Variants in GSTA2 observed in about 807,000 individuals in gnomAD.
GSTA2 encodes glutathione S-transferase A2.
Under a neutral mutation model 22.4 loss-of-function variants are expected in GSTA2, and 27 were observed. The observed-to-expected ratio is 1.21, with a 90% confidence interval of 0.89 to 1.67. The LOEUF is 1.67. GSTA2 is among the 40% of genes most tolerant of loss of function. The pLI is 0.00. For synonymous variants in GSTA2, 121 were observed against 86.8 expected (o/e 1.39, Z -2.19); for missense variants, 302 against 260.2 (o/e 1.16, Z -1.11).
At chr6:52,753,505 C>A (rs1231152213) in intron 4 of GSTA2, among the ~76,000 whole-genome samples, 10 of 152,192 alleles carry the variant, frequency 6.6e-5, no homozygotes, top group Admixed American at 6.5e-4. Context: ...TGCTTCTATG[C>A]CCCATATTTG....
At chr6:52,762,137 G>A (rs1762962097) in intron 1 of GSTA2, among the ~76,000 whole-genome samples, 1 of 151,950 alleles carries the variant, frequency 6.6e-6, no homozygotes, top group Admixed American at 6.5e-5. Context: ...AGGCCGCAGG[G>A]ACCTCTGCCT....
At position 52,751,624 on chromosome 6, in the gene GSTA2, C is replaced by T. The variant is rs750745710; in HGVS notation, c.499G>A (p.Val167Met). ...DIHLVELLYY[V>M]EELDSSLISS... Reference sequence around the variant, plus strand: ...ATAAGGCTAGAGTCAAGCTCTTCCACGTAGTAGAGAAGTTCCACCAGGTGA... The same window carrying T: ...ATAAGGCTAGAGTCAAGCTCTTCCATGTAGTAGAGAAGTTCCACCAGGTGA... The change falls in exon 6 of 7, where the codon GTG (valine) becomes ATG (methionine). Residue 167 changes from valine (V) to methionine (M), a missense_variant. Transcript: ENST00000493422. 5.5e-5 allele frequency: 88 copies of T among 1,613,992 alleles called. No individual in the cohort carries two copies. The highest frequency in any genetic ancestry group is 2.4e-4 in the South Asian group (22 of 91,086).
At chr6:52,761,494 T>G (rs796670527) in intron 1 of GSTA2, among the ~76,000 whole-genome samples, 9 of 145,802 alleles carry the variant, frequency 6.2e-5, no homozygotes, top group African/African-American at 2.2e-4. Context: ...AGGAATAAGA[T>G]TTTATATGAA....
chr6:52,758,019 T>G, intron 1 of GSTA2, 42 bp from the exon 2 acceptor site: 1 of 1,147,042 alleles, frequency 8.7e-7, no homozygotes, highest in East Asian at 2.4e-5. Context: ...ATTGAAACGA[T>G]AGAATCAAAA....
At chr6:52,761,402 C>T (rs56170329) in intron 1 of GSTA2, among the ~76,000 whole-genome samples, 1,691 of 152,250 alleles carry the variant, frequency 0.011, 32 homozygotes, top group African/African-American at 0.038. Flanking sequence ...ATCTATCTCT[C>T]TGTAATCTGT....
chr6:52,754,722 C>G (rs1762808013), intron 4 of GSTA2, among the ~76,000 whole-genome samples: 1 of 152,094 alleles, frequency 6.6e-6, no homozygotes, highest in South Asian at 2.1e-4. Context: ...GGTGCTGTGT[C>G]CATGGACTGC....
Position 52,750,668 on chromosome 6 carries a change from G to A in GSTA2, c.578C>T (p.Thr193Ile), listed in dbSNP as rs374841763. The stretch of plus-strand genomic sequence containing the variant: ...GCCAGGCTGTAGAAACTTCTTCACT[G>A]TGGGCAGGTTACTGATTCTGGTTTT... ...ALKTRISNLPTVKKFLQPGSP... is the reference protein window; with the variant it reads ...ALKTRISNLPIVKKFLQPGSP... The change falls in exon 7 of 7, where the codon ACA (threonine) becomes ATA (isoleucine). Residue 193 changes from threonine (T) to isoleucine (I), a missense_variant. Thr to Ile is a moderately conservative substitution (Grantham distance 89, BLOSUM62 -1). Transcript: ENST00000493422. 27 of 1,613,108 alleles carry A rather than the reference G, an allele frequency of 1.7e-5. No individual in the cohort carries two copies. Among genetic ancestry groups the A allele is most frequent in the East Asian group, 2.2e-5 (1 of 44,890 alleles).
rs372277923 is a variant in GSTA2, at chr6:52,752,073, C to T, written c.415-365G>A. On this transcript the variant is annotated intron_variant, in intron 5 of 6. Coordinates refer to ENST00000493422, the MANE Select transcript of GSTA2 (RefSeq NM_000846.5). ...CACATTCAGGATGTGGCTCTACATTCTGCTGTCTCCCGCTCCAATCTCCCT... is the reference window on the plus strand; with the variant it reads ...CACATTCAGGATGTGGCTCTACATTTTGCTGTCTCCCGCTCCAATCTCCCT... Among the ~76,000 whole-genome samples, 7 of 152,296 alleles carry T rather than the reference C, an allele frequency of 4.6e-5. No homozygotes were observed. In the East Asian group the frequency reaches 1.4e-3, roughly 29 times the overall value.
intron 1 of GSTA2, among the ~76,000 whole-genome samples, chr6:52,761,656 C>T (rs975164365): frequency 2.0e-5 from 3 of 150,514 alleles, no homozygotes; most frequent in African/African-American, 4.8e-5. Flanking sequence ...TGGGGCACAT[C>T]GGTAACACAG....
intron 2 of GSTA2, among the ~76,000 whole-genome samples, chr6:52,757,245 T>G (rs1762861298): frequency 9.2e-6 from 1 of 108,460 alleles, no homozygotes; most frequent in African/African-American, 3.6e-5. Flanking sequence ...TTTTTAATAT[T>G]ATGCATTTTT....
rs1478547270 is a variant in GSTA2 at position 52,756,301 on chromosome 6, C to G, written c.96G>C (p.Glu32Asp). 6.2e-7 allele frequency: 1 copy of G among 1,601,656 alleles called. No individual in the cohort carries two copies. The highest frequency in any genetic ancestry group is 8.6e-7 in the Non-Finnish European group (1 of 1,169,226). Residue 32 changes from glutamate to aspartate, a missense_variant, in exon 3 of 7, where the codon GAG becomes GAC. Transcript: ENST00000493422. The part of the protein sequence containing the change: ...LLAAAGVEFE[E>D]KFIKSAEDLD... ...AATCTTCTGCAGATTTTATAAATTT[C>G]TCTTCAAACTGGAAGCAGAAACAGT...
At chr6:52,761,376 A>G (rs935027057) in intron 1 of GSTA2, among the ~76,000 whole-genome samples, 2 of 152,130 alleles carry the variant, frequency 1.3e-5, no homozygotes, top group Non-Finnish European at 2.9e-5. Context: ...TATTTTATCT[A>G]TCAATCGTTC....
intron 1 of GSTA2, among the ~76,000 whole-genome samples, chr6:52,759,185 GTA>G (rs1449070853): frequency 6.6e-6 from 1 of 152,158 alleles, no homozygotes; most frequent in African/African-American, 2.4e-5. Context: ...TCAGTTATTT[GTA>G]TACTGTGTGT....
At chr6:52,761,172 A>T (rs1225089104) in intron 1 of GSTA2, among the ~76,000 whole-genome samples, 2 of 152,206 alleles carry the variant, frequency 1.3e-5, no homozygotes, top group East Asian at 3.8e-4. Context: ...GAGATAATGT[A>T]GAAAAAAATC....
chr6:52,760,879 T>C (rs1204596373), intron 1 of GSTA2, among the ~76,000 whole-genome samples: 1 of 152,130 alleles, frequency 6.6e-6, no homozygotes, highest in Non-Finnish European at 1.5e-5. Context: ...CTAGTGTAAT[T>C]ACTTTACATC....
At chr6:52,760,935 AC>A (rs1762940488) in intron 1 of GSTA2, among the ~76,000 whole-genome samples, 1 of 152,162 alleles carries the variant, frequency 6.6e-6, no homozygotes, top group African/African-American at 2.4e-5. Context: ...TTTTGAAAGG[AC>A]TATAAGGTCT....
At position 52,750,666 on chromosome 6, in the gene GSTA2, C is replaced by A. The variant is rs1396723715; in HGVS notation, c.580G>T (p.Val194Leu). The A allele has an allele frequency of 1.2e-6, 2 of 1,613,170 alleles. No homozygotes were observed. Among genetic ancestry groups the A allele is most frequent in the Non-Finnish European group, 1.7e-6 (2 of 1,179,812 alleles). Reference protein sequence around the residue: ...LKTRISNLPTVKKFLQPGSPR... With the variant: ...LKTRISNLPTLKKFLQPGSPR... The stretch of plus-strand genomic sequence containing the variant: ...CTGCCAGGCTGTAGAAACTTCTTCA[C>A]TGTGGGCAGGTTACTGATTCTGGTT... The change falls in exon 7 of 7, where the codon GTG becomes TTG. Residue 194 changes from valine to leucine, a missense_variant. Coordinates refer to ENST00000493422, the MANE Select transcript of GSTA2 (RefSeq NM_000846.5).
chr6:52,759,874 G>A (rs1460057020), intron 1 of GSTA2, among the ~76,000 whole-genome samples: 2 of 152,042 alleles, frequency 1.3e-5, no homozygotes, highest in Non-Finnish European at 2.9e-5. Context: ...ATGAGCCACT[G>A]CACCCAACCT....
rs373849872 is a variant in GSTA2, at chr6:52,754,938, C to G, written c.272+5G>C. ...GTGGATGGAAGAACAGAAAATATAC[C>G]GTACAGGGCTTTCTCCTTTATGTCT... On this transcript the variant is annotated splice_donor_5th_base_variant and intron_variant, in intron 4 of 6. Transcript: ENST00000493422. The G allele has an allele frequency of 8.7e-6, 14 of 1,612,736 alleles. No individual in the cohort carries two copies. The African/African-American group carries it at 1.7e-4, about 20-fold the overall frequency.
Sources: gnomAD v4.1 joint callset for allele counts (sites outside exome capture counted in the v4.1 genomes callset) on GRCh38, gnomAD v4.1.1 for gene constraint, MANE v1.5 for transcripts, NCBI Gene and HGNC (gene_info 2026-07-23, HGNC 2026-07-21) for gene names.